Variants in RANGAP1 observed in about 807,000 individuals in gnomAD.
The protein encoded by RANGAP1 is Ran GTPase activating protein 1.
RANGAP1 carries 38 observed loss-of-function variants against 63.5 expected under a neutral mutation model. That is an observed-to-expected ratio of 0.60 (90% confidence interval 0.46 to 0.78). RANGAP1 has a LOEUF of 0.78. Among genes scored for constraint, RANGAP1 ranks in the 30% least tolerant of loss-of-function variants. RANGAP1 has a pLI of 0.00. For missense variants in RANGAP1, 630 were observed against 740.3 expected (o/e 0.85, Z 1.73); for synonymous variants, 329 against 310.5 (o/e 1.06, Z -0.63).
chr22:41,264,020 CTG>C (rs544434512), intron 5 of RANGAP1, among the ~76,000 whole-genome samples: 182 of 152,370 alleles, frequency 1.2e-3, no homozygotes, highest in Non-Finnish European at 6.2e-4. Context: ...GCTGTTACTT[CTG>C]TGTCCCCAGC....
chr22:41,274,754 T>C, intron 2 of RANGAP1, 27 bp from the exon 3 acceptor site: 6 of 1,612,316 alleles, frequency 3.7e-6, no homozygotes, highest in Non-Finnish European at 5.1e-6. Flanking sequence ...AGCAGAACCT[T>C]AGGCTTTTGG....
At chr22:41,254,242 A>G (rs2033664796) in intron 11 of RANGAP1, 66 bp downstream of exon 11, 1 of 1,590,182 alleles carries the variant, frequency 6.3e-7, no homozygotes, top group African/African-American at 1.3e-5. Flanking sequence ...CCCCATTGTG[A>G]AAGTGCCTCG....
the RANGAP1 span, among the ~76,000 whole-genome samples, chr22:41,293,815 T>A: frequency 8.6e-5 from 13 of 152,014 alleles, no homozygotes; most frequent in Admixed American, 2.6e-4. Flanking sequence ...CTTGGTTTTT[T>A]AAAAAAATTC....
chr22:41,266,854 A>G (rs2034506265), intron 4 of RANGAP1, among the ~76,000 whole-genome samples: 1 of 151,052 alleles, frequency 6.6e-6, no homozygotes, highest in Non-Finnish European at 1.5e-5. Flanking sequence ...CCTAACTTGA[A>G]ATTCTTTAAC....
intron 3 of RANGAP1, among the ~76,000 whole-genome samples, chr22:41,268,969 C>T (rs1268838354): frequency 3.9e-5 from 6 of 152,238 alleles, no homozygotes; most frequent in Non-Finnish European, 7.3e-5. Context: ...AGCCATTAAA[C>T]AGCAACAGCA....
chr22:41,252,174 A>T (rs1039247984), intron 12 of RANGAP1, among the ~76,000 whole-genome samples: 2 of 152,098 alleles, frequency 1.3e-5, no homozygotes, highest in Non-Finnish European at 2.9e-5. Context: ...CTACTAAAAA[A>T]TACAAAAATT....
chr22:41,280,315 G>A (rs2035424981), intron 2 of RANGAP1, among the ~76,000 whole-genome samples: 1 of 152,184 alleles, frequency 6.6e-6, no homozygotes, highest in African/African-American at 2.4e-5. Context: ...CTTGATGCAG[G>A]TGCCTTCACT....
At chr22:41,280,817 G>A (rs1262632423) in intron 2 of RANGAP1, 116 bp downstream of exon 2, 1 of 1,542,648 alleles carries the variant, frequency 6.5e-7, no homozygotes, top group Non-Finnish European at 8.7e-7. Context: ...ACCTCACAGA[G>A]CTGCTGGGAC....
upstream of RANGAP1, among the ~76,000 whole-genome samples, chr22:41,289,017 G>A (rs909167495): frequency 6.9e-6 from 1 of 145,542 alleles, no homozygotes; most frequent in African/African-American, 2.6e-5. Context: ...CCGCCTCCCA[G>A]GTTCAAGTGA....
At chr22:41,287,980 C>T (rs569566764), upstream of RANGAP1, among the ~76,000 whole-genome samples, 5 of 152,190 alleles carry the variant, frequency 3.3e-5, no homozygotes, top group South Asian at 4.1e-4. Flanking sequence ...AGCGAAACTC[C>T]GTCTCTAAAT....
upstream of RANGAP1, among the ~76,000 whole-genome samples, chr22:41,287,653 T>G (rs1040074665): frequency 6.6e-6 from 1 of 151,430 alleles, no homozygotes; most frequent in African/African-American, 2.4e-5. Flanking sequence ...GAGCAAGACC[T>G]TGTCTCAAAA....
chr22:41,262,730 C>T (rs1477889877), intron 5 of RANGAP1, among the ~76,000 whole-genome samples: 1 of 152,216 alleles, frequency 6.6e-6, no homozygotes, highest in Non-Finnish European at 1.5e-5. Context: ...GAGGAAGCTA[C>T]TCAGCAGCAG....
In RANGAP1 at chr22:41,244,930, C is replaced by A. The variant is rs2032946644; in HGVS notation, c.*1673G>T. Among the ~76,000 whole-genome samples, 1 of 152,204 alleles carries A rather than the reference C, an allele frequency of 6.6e-6. No homozygotes were observed. Among genetic ancestry groups the A allele is most frequent in the South Asian group, 2.1e-4 (1 of 4,832 alleles). On this transcript the variant is annotated 3_prime_UTR_variant, in exon 16 of 16. Transcript: ENST00000356244. Reference sequence around the variant, plus strand: ...CTCCCTATTCCACCCTTCCCCTAGCCCTGGCAACCTCTACCTTCTTGTCTC... The same window carrying A: ...CTCCCTATTCCACCCTTCCCCTAGCACTGGCAACCTCTACCTTCTTGTCTC...
intron 2 of RANGAP1, 127 bp downstream of exon 2, chr22:41,280,806 T>C (rs2035453110): frequency 9.8e-6 from 15 of 1,531,246 alleles, no homozygotes; most frequent in Admixed American, 3.9e-5. Flanking sequence ...GGCCCAATGA[T>C]ACCTCACAGA....
intron 4 of RANGAP1, among the ~76,000 whole-genome samples, chr22:41,266,140 T>G (rs1257828556): frequency 6.6e-6 from 1 of 150,924 alleles, no homozygotes; most frequent in African/African-American, 2.4e-5. Context: ...AGGCGGAGCT[T>G]GCAGTGAGCC....
upstream of RANGAP1, among the ~76,000 whole-genome samples, chr22:41,287,212 T>C (rs573746268): frequency 1.5e-3 from 236 of 152,326 alleles, no homozygotes; most frequent in Non-Finnish European, 2.8e-3. Context: ...GCAACCTTTA[T>C]GGTTAAAAGA....
the RANGAP1 span, among the ~76,000 whole-genome samples, chr22:41,299,103 C>A: frequency 6.6e-6 from 1 of 152,086 alleles, no homozygotes; most frequent in African/African-American, 2.4e-5. Flanking sequence ...CCTCCTAATA[C>A]CATCAAATCA....
At chr22:41,288,278 C>T (rs977838057), upstream of RANGAP1, among the ~76,000 whole-genome samples, 1 of 152,182 alleles carries the variant, frequency 6.6e-6, no homozygotes, top group African/African-American at 2.4e-5. Context: ...TGCAAAGCCC[C>T]ACAGCAGTTG....
chr22:41,287,674 G>GAAAA (rs76492574), upstream of RANGAP1, among the ~76,000 whole-genome samples: 1 of 133,536 alleles, frequency 7.5e-6, no homozygotes, highest in Non-Finnish European at 1.6e-5. Flanking sequence ...ACTGAAAAAA[G>GAAAA]AAAAAAAAAA....
Sources: allele counts gnomAD v4.1 joint callset (sites outside exome capture counted in the v4.1 genomes callset), GRCh38; gene constraint gnomAD v4.1.1; transcripts MANE v1.5; gene names NCBI Gene and HGNC (gene_info 2026-07-23, HGNC 2026-07-21).